Variants in GABRA3 observed in about 807,000 individuals in gnomAD.
GABRA3 encodes gamma-aminobutyric acid receptor subunit alpha-3.
In GABRA3, 10 loss-of-function variants were observed where a neutral mutation model predicts 30.1. The observed-to-expected ratio is 0.33, with a 90% confidence interval of 0.20 to 0.56. GABRA3 has a LOEUF of 0.56. Ranked by LOEUF, GABRA3 falls within the 20% of genes least tolerant of loss-of-function variation. GABRA3 has a pLI of 0.89. For missense variants in GABRA3, 233 were observed against 392.0 expected (o/e 0.59, Z 3.42); for synonymous variants, 151 against 146.8 (o/e 1.03, Z -0.21).
chrX:152,262,836 C>T (rs997239619), intron 4 of GABRA3, among the ~76,000 whole-genome samples: 1 of 111,914 alleles, frequency 8.9e-6, no homozygotes, highest in Non-Finnish European at 1.9e-5. Flanking sequence ...TACAACAGTG[C>T]CCGACTCTCT....
intron 7 of GABRA3, among the ~76,000 whole-genome samples, chrX:152,206,577 T>C (rs1449164609): frequency 9.0e-6 from 1 of 110,978 alleles, no homozygotes; most frequent in Non-Finnish European, 1.9e-5. Flanking sequence ...CAGGGACGGG[T>C]CCCTGTCTGG....
At chrX:152,355,835 A>G (rs1285589229) in intron 2 of GABRA3, among the ~76,000 whole-genome samples, 2 of 111,850 alleles carry the variant, frequency 1.8e-5, no homozygotes, top group African/African-American at 6.5e-5. Context: ...CTAATGGTCA[A>G]AATACTTGAC....
intron 9 of GABRA3, among the ~76,000 whole-genome samples, chrX:152,171,633 T>C (rs1458955539): frequency 1.8e-5 from 2 of 111,715 alleles, no homozygotes; most frequent in Non-Finnish European, 3.8e-5. Context: ...AGGCAAATGA[T>C]GGATGTTTAC....
intron 6 of GABRA3, among the ~76,000 whole-genome samples, chrX:152,217,340 G>T (rs185247124): frequency 1.8e-5 from 2 of 111,223 alleles, no homozygotes; most frequent in Non-Finnish European, 3.8e-5. Flanking sequence ...GCTTGAATCC[G>T]TTGCTAGAGT....
chrX:152,300,145 A>G (rs1182853875), intron 3 of GABRA3, among the ~76,000 whole-genome samples: 3 of 112,765 alleles, frequency 2.7e-5, no homozygotes, highest in Non-Finnish European at 5.6e-5. Context: ...TATTTAAACC[A>G]CTACATAAAT....
intron 7 of GABRA3, 73 bp from the exon 8 acceptor site, chrX:152,197,858 T>A: frequency 1.2e-6 from 1 of 820,775 alleles, no homozygotes; most frequent in Non-Finnish European, 1.8e-6. Context: ...CCCAATTCAA[T>A]TCACAAAGCT....
chrX:152,345,684 G>T lies in GABRA3; in HGVS notation c.159C>A (p.Ala53=). Reference sequence around the variant, plus strand: ...CAGTGCTGTCATCAGGAATATCTGGGGCATGCTTAGGAGACAGCCTGAGGC... The same window carrying T: ...CAGTGCTGTCATCAGGAATATCTGGTGCATGCTTAGGAGACAGCCTGAGGC... ...QDIGGLSPKH[A]PDIPDDSTDN... The change falls in exon 3 of 10, where the codon GCC becomes GCA. Residue 53 remains alanine (A), a synonymous_variant. Coordinates refer to ENST00000370314, the MANE Select transcript of GABRA3 (RefSeq NM_000808.4). 8.4e-7 allele frequency: 1 copy of T among 1,197,521 alleles called. No homozygotes were observed. Among genetic ancestry groups the T allele is most frequent in the Non-Finnish European group, 1.1e-6 (1 of 890,653 alleles).
At chrX:152,349,318 A>G (rs917811096) in intron 2 of GABRA3, among the ~76,000 whole-genome samples, 17 of 111,110 alleles carry the variant, frequency 1.5e-4, no homozygotes, top group African/African-American at 5.6e-4. Flanking sequence ...CTAAACATGG[A>G]GAGGAACAAC....
intron 3 of GABRA3, among the ~76,000 whole-genome samples, chrX:152,298,051 C>T (rs1464979695): frequency 8.9e-6 from 1 of 112,188 alleles, no homozygotes; most frequent in Non-Finnish European, 1.9e-5. Context: ...ATAATAAAAT[C>T]TTCAAAACAG....
At chrX:152,388,432 G>C (rs1929385994) in intron 1 of GABRA3, among the ~76,000 whole-genome samples, 1 of 111,452 alleles carries the variant, frequency 9.0e-6, no homozygotes, top group Non-Finnish European at 1.9e-5. Context: ...ATAATAATCA[G>C]TAGCCAACTA....
At chrX:152,362,206 T>C (rs1928527820) in intron 2 of GABRA3, among the ~76,000 whole-genome samples, 2 of 110,401 alleles carry the variant, frequency 1.8e-5, no homozygotes, top group South Asian at 3.8e-4. Context: ...TAGGAATACT[T>C]CCTACTTCAA....
chrX:152,445,848 G>A (rs1931074961), intron 1 of GABRA3, among the ~76,000 whole-genome samples: 1 of 111,732 alleles, frequency 8.9e-6, no homozygotes, highest in Non-Finnish European at 1.9e-5. Context: ...TCCAAGTCAG[G>A]ACTAGGCTAT....
At chrX:152,384,585 A>T (rs188398587) in intron 1 of GABRA3, among the ~76,000 whole-genome samples, 1 of 112,423 alleles carries the variant, frequency 8.9e-6, no homozygotes, top group East Asian at 2.8e-4. Context: ...ATTAAATTGT[A>T]ACCTTACCCA....
chrX:152,383,135 C>T (rs1391012881), intron 1 of GABRA3, among the ~76,000 whole-genome samples: 3 of 108,932 alleles, frequency 2.8e-5, no homozygotes, highest in African/African-American at 1.0e-4. Context: ...ACCTGTAATC[C>T]CAGCACTTTG....
At chrX:152,407,054 G>A (rs766289504) in intron 1 of GABRA3, among the ~76,000 whole-genome samples, 2 of 111,403 alleles carry the variant, frequency 1.8e-5, no homozygotes, top group Non-Finnish European at 3.8e-5. Flanking sequence ...AAATGAAAAT[G>A]AACACACAAC....
At chrX:152,248,656 T>C (rs1938500569) in intron 5 of GABRA3, among the ~76,000 whole-genome samples, 1 of 111,869 alleles carries the variant, frequency 8.9e-6, no homozygotes, top group African/African-American at 3.2e-5. Context: ...TATCACAAAT[T>C]CTCTTGTCAT....
chrX:152,293,329 C>T (rs756474390), intron 3 of GABRA3, among the ~76,000 whole-genome samples: 1 of 111,378 alleles, frequency 9.0e-6, no homozygotes, highest in Admixed American at 9.6e-5. Context: ...CTCTTTTGAT[C>T]TTTGTTGGTT....
intron 1 of GABRA3, among the ~76,000 whole-genome samples, chrX:152,386,177 C>T (rs1459418567): frequency 2.8e-5 from 3 of 107,431 alleles, no homozygotes; most frequent in Non-Finnish European, 5.8e-5. Flanking sequence ...TATAAATTAC[C>T]TTGGGCAGTA....
chrX:152,378,669 C>T (rs1006459972), intron 1 of GABRA3, among the ~76,000 whole-genome samples: 1 of 110,974 alleles, frequency 9.0e-6, no homozygotes, highest in African/African-American at 3.3e-5. Context: ...CCAGATATAT[C>T]GGCGATTTTT....
Sources: allele counts gnomAD v4.1 joint callset (sites outside exome capture counted in the v4.1 genomes callset), GRCh38; gene constraint gnomAD v4.1.1; transcripts MANE v1.5; gene names NCBI Gene and HGNC (gene_info 2026-07-23, HGNC 2026-07-21).